HEPHL1: variants seen among roughly 807,000 people sequenced by gnomAD.
HEPHL1 encodes the protein hephaestin like 1.
A neutral mutation model predicts 122.0 loss-of-function variants in HEPHL1; 123 were observed. The observed-to-expected ratio is 1.01, with a 90% CI of 0.87 to 1.17. The LOEUF (loss-of-function observed/expected upper bound fraction) is 1.17. Ranked by LOEUF, HEPHL1 falls within the 50% of genes most tolerant of loss-of-function variation. The pLI, the probability that HEPHL1 is intolerant of heterozygous loss-of-function variation, is 0.00. For synonymous variants in HEPHL1, 527 were observed against 508.9 expected, an observed-to-expected ratio of 1.04 and a Z score of -0.48; for missense variants, 1,452 against 1,430.5, an observed-to-expected ratio of 1.01 and a Z score of -0.24.
At chr11:94,072,799 G>C (rs975205249) in intron 6 of HEPHL1, among the ~76,000 whole-genome samples, 1 of 152,050 alleles carries the variant, frequency 6.6e-6, no homozygotes, top group African/African-American at 2.4e-5. Flanking sequence ...GGACCTCTTG[G>C]GAAGAAAGTA....
rs71305380 is a variant in HEPHL1 at position 94,036,838 on chromosome 11, CA to C, written c.171-8816del. 1.8e-3 allele frequency among the ~76,000 whole-genome samples: 191 copies of C among 103,840 alleles called. 1 individual carries two copies. The highest frequency in any genetic ancestry group is 3.8e-3 in the South Asian group (11 of 2,892). The allele number at this position is 103,840 out of a possible 152,430, so 68.1% of individuals were successfully genotyped here. ...TGGGCAACAGAGCAAGACTCCGTCT[CA>C]AAAAAAAAAAAAAAAAAAGGGAGGA... On this transcript the variant is annotated intron_variant, in intron 1 of 19. Transcript: ENST00000315765.
intron 1 of HEPHL1, among the ~76,000 whole-genome samples, chr11:94,028,393 T>G (rs1032430225): frequency 1.3e-5 from 2 of 152,228 alleles, no homozygotes; most frequent in African/African-American, 2.4e-5. Flanking sequence ...CCCTGCAAGC[T>G]ACGAACTCCT....
intron 2 of HEPHL1, among the ~76,000 whole-genome samples, chr11:94,048,390 C>T (rs1391820077): frequency 3.9e-5 from 6 of 152,084 alleles, no homozygotes; most frequent in Non-Finnish European, 4.4e-5. Context: ...GATGGGGTCT[C>T]GCTCTGTCAC....
At chr11:94,056,557 G>A (rs1945937503) in intron 2 of HEPHL1, among the ~76,000 whole-genome samples, 1 of 152,044 alleles carries the variant, frequency 6.6e-6, no homozygotes, top group African/African-American at 2.4e-5. Flanking sequence ...ATTGTAATAT[G>A]CACCCTAGTT....
chr11:94,090,570 C>T (rs971633672), intron 12 of HEPHL1, among the ~76,000 whole-genome samples: 6 of 152,152 alleles, frequency 3.9e-5, no homozygotes, highest in African/African-American at 1.4e-4. Flanking sequence ...CTGATTCTTG[C>T]CCATACATAG....
chr11:94,064,996 C>T (rs552838075), intron 4 of HEPHL1, among the ~76,000 whole-genome samples: 36 of 152,280 alleles, frequency 2.4e-4, no homozygotes, highest in African/African-American at 7.9e-4. Flanking sequence ...CATTATATTT[C>T]CCAGGCATTC....
Position 94,045,925 on chromosome 11 carries a change from T to C in HEPHL1, c.415+8T>C, listed in dbSNP as rs376661242. The C allele has an allele frequency of 1.5e-4, 246 of 1,612,938 alleles. 2 individuals carry two copies. In the African/African-American group the frequency reaches 2.7e-3, roughly 18 times the overall value. On this transcript the variant is annotated splice_region_variant and intron_variant, in intron 2 of 19. Coordinates refer to ENST00000315765, the MANE Select transcript of HEPHL1 (RefSeq NM_001098672.2). ...ACAACAAAGATTCAGAAGGTAAATA[T>C]CAATCCTTTATTACTGGGGTCTTGT...
intron 1 of HEPHL1, among the ~76,000 whole-genome samples, chr11:94,032,785 G>C (rs909884320): frequency 6.6e-6 from 1 of 152,172 alleles, no homozygotes; most frequent in Non-Finnish European, 1.5e-5. Flanking sequence ...TGAAACTGGT[G>C]ATCAGCAGCT....
intron 13 of HEPHL1, among the ~76,000 whole-genome samples, chr11:94,098,301 A>G (rs527729414): frequency 3.9e-5 from 6 of 152,294 alleles, no homozygotes; most frequent in Non-Finnish European, 8.8e-5. Context: ...TGAAATTCTG[A>G]GTTGAAAATT....
intron 9 of HEPHL1, among the ~76,000 whole-genome samples, chr11:94,078,711 G>A (rs1337705885): frequency 6.6e-6 from 1 of 151,988 alleles, no homozygotes; most frequent in Non-Finnish European, 1.5e-5. Flanking sequence ...AGTCAGGTGG[G>A]AGAAATTCCC....
At chr11:94,082,651 T>C (rs1946181371) in intron 10 of HEPHL1, 83 bp downstream of exon 10, 1 of 1,343,268 alleles carries the variant, frequency 7.4e-7, no homozygotes, top group African/African-American at 1.5e-5. Flanking sequence ...TGAATTATAT[T>C]AATTTTGGTT....
chr11:94,055,733 C>A, intron 2 of HEPHL1: 1 of 380,508 alleles, frequency 2.6e-6, no homozygotes, highest in Non-Finnish European at 5.1e-6. Context: ...TCTTCACTAC[C>A]AGTGATGACT....
At chr11:94,027,807 C>T (rs1336023554) in intron 1 of HEPHL1, among the ~76,000 whole-genome samples, 3 of 152,176 alleles carry the variant, frequency 2.0e-5, no homozygotes, top group Non-Finnish European at 4.4e-5. Flanking sequence ...GGACCCAAGA[C>T]ATAGGTGGTG....
At chr11:94,026,550 A>G (rs571047502) in intron 1 of HEPHL1, among the ~76,000 whole-genome samples, 3 of 152,304 alleles carry the variant, frequency 2.0e-5, no homozygotes, top group East Asian at 1.9e-4. Flanking sequence ...ATGGACCCCC[A>G]AGGCCTGGTT....
intron 5 of HEPHL1, 125 bp downstream of exon 5, chr11:94,067,875 T>A (rs1565353553): frequency 1.3e-6 from 1 of 749,974 alleles, no homozygotes; most frequent in East Asian, 2.7e-5. Context: ...AATTAGGTAA[T>A]AAATATACAG....
intron 10 of HEPHL1, among the ~76,000 whole-genome samples, chr11:94,082,958 G>A (rs1946183899): frequency 6.6e-6 from 1 of 152,100 alleles, no homozygotes; most frequent in Non-Finnish European, 1.5e-5. Context: ...GCATGGTGGT[G>A]CGTGCCTATA....
intron 6 of HEPHL1, among the ~76,000 whole-genome samples, chr11:94,070,880 G>T (rs1591477355): frequency 6.6e-6 from 1 of 152,098 alleles, no homozygotes; most frequent in East Asian, 1.9e-4. Context: ...TACACATATG[G>T]AGCAGACAGT....
chr11:94,044,094 C>G (rs1945811927), intron 1 of HEPHL1, among the ~76,000 whole-genome samples: 1 of 151,756 alleles, frequency 6.6e-6, no homozygotes, highest in Non-Finnish European at 1.5e-5. Context: ...ATTTATGGAG[C>G]TGGAGCTAGG....
At chr11:94,032,102 A>G (rs557144687) in intron 1 of HEPHL1, among the ~76,000 whole-genome samples, 1 of 152,320 alleles carries the variant, frequency 6.6e-6, no homozygotes, top group East Asian at 1.9e-4. Flanking sequence ...CCAATGACAT[A>G]CAGTGCTTAC....
Sources: gnomAD v4.1 joint callset for allele counts (sites outside exome capture counted in the v4.1 genomes callset) on GRCh38, gnomAD v4.1.1 for gene constraint, MANE v1.5 for transcripts, NCBI Gene and HGNC (gene_info 2026-07-23, HGNC 2026-07-21) for gene names.